STK33: variants seen among roughly 807,000 people sequenced by gnomAD.
The protein encoded by STK33 is serine/threonine-protein kinase 33.
STK33 carries 52 observed loss-of-function variants against 58.0 expected under a neutral mutation model. The observed-to-expected ratio is 0.90, with a 90% confidence interval of 0.72 to 1.13. The LOEUF (loss-of-function observed/expected upper bound fraction) is 1.13. Ranked by LOEUF, STK33 falls within the 50% of genes most tolerant of loss-of-function variation. The pLI, the probability that STK33 is intolerant of heterozygous loss-of-function variation, is 0.00. For synonymous variants in STK33, 215 were observed against 200.1 expected (o/e 1.07, Z -0.63); for missense variants, 630 against 604.2 (o/e 1.04, Z -0.45).
the STK33 span, among the ~76,000 whole-genome samples, chr11:8,339,763 G>C: frequency 1.3e-5 from 2 of 152,232 alleles, no homozygotes; most frequent in Non-Finnish European, 2.9e-5. Context: ...GAGGACTAAA[G>C]CTTCCGCAGC....
chr11:8,520,977 G>A (rs1405035864), intron 1 of STK33, among the ~76,000 whole-genome samples: 3 of 150,854 alleles, frequency 2.0e-5, no homozygotes, highest in African/African-American at 7.3e-5. Flanking sequence ...GAATGAAATT[G>A]GATCTTTATC....
intron 11 of STK33, among the ~76,000 whole-genome samples, chr11:8,444,147 TTTATTTA>T (rs376283295): frequency 3.2e-4 from 48 of 152,286 alleles, no homozygotes; most frequent in African/African-American, 9.6e-4. Flanking sequence ...CATTGGGAGC[TTTATTTA>T]TTATTTATTA....
chr11:8,430,369 C>A (rs1291868933), intron 14 of STK33, among the ~76,000 whole-genome samples: 2 of 152,020 alleles, frequency 1.3e-5, no homozygotes, highest in African/African-American at 4.8e-5. Context: ...TTACCTCCAC[C>A]CTTAAGTAAT....
intron 14 of STK33, among the ~76,000 whole-genome samples, chr11:8,426,066 G>A (rs1378609450): frequency 6.6e-6 from 1 of 152,194 alleles, no homozygotes; most frequent in Non-Finnish European, 1.5e-5. Context: ...CAAGGACAGA[G>A]GGCTTTCTGT....
At position 8,491,662 on chromosome 11, in the gene STK33, T is replaced by C. The variant is rs535566002; in HGVS notation, c.-465-11048A>G. The stretch of plus-strand genomic sequence containing the variant: ...AATTGTCAGATTTACCAAGATTGAA[T>C]TGAAGGAAAACAATGTTAAGGGCAG... On this transcript the variant is annotated intron_variant, in intron 1 of 15. Coordinates refer to ENST00000687296, the MANE Select transcript of STK33 (RefSeq NM_001352389.2). 1.3e-4 allele frequency among the ~76,000 whole-genome samples: 20 copies of C among 152,068 alleles called. No homozygotes were observed. In the East Asian group the frequency reaches 1.7e-3, roughly 13 times the overall value.
At chr11:8,415,307 G>A (rs527589599) in intron 14 of STK33, among the ~76,000 whole-genome samples, 1 of 152,190 alleles carries the variant, frequency 6.6e-6, no homozygotes, top group East Asian at 1.9e-4. Context: ...GGTCACTAAT[G>A]CTACTCGCCC....
intron 2 of STK33, among the ~76,000 whole-genome samples, chr11:8,479,628 C>A (rs1158410406): frequency 6.6e-6 from 1 of 151,872 alleles, no homozygotes; most frequent in African/African-American, 2.4e-5. Flanking sequence ...CGATCACTTG[C>A]AGTCAGGAGT....
the STK33 span, among the ~76,000 whole-genome samples, chr11:8,357,724 C>T: frequency 4.6e-5 from 7 of 152,108 alleles, no homozygotes; most frequent in African/African-American, 1.7e-4. Flanking sequence ...CCACAGTCCC[C>T]CTCCAGGAAT....
chr11:8,553,168 AT>A (rs879872120), intron 1 of STK33, among the ~76,000 whole-genome samples: 2,118 of 7,780 alleles, frequency 0.27, 63 homozygotes, highest in East Asian at 0.35. Flanking sequence ...CAAAAATAAA[AT>A]ATATATATAT....
At chr11:8,403,341 A>AT (rs1938468041) in intron 15 of STK33, among the ~76,000 whole-genome samples, 1 of 152,250 alleles carries the variant, frequency 6.6e-6, no homozygotes, top group Admixed American at 6.5e-5. Flanking sequence ...TTGAACAGAT[A>AT]TAAAGGGACC....
At position 8,392,508 on chromosome 11, in the gene STK33, C is replaced by T. The variant is rs149850747; in HGVS notation, c.*2G>A. 1.3e-4 allele frequency: 212 copies of T among 1,614,148 alleles called. No homozygotes were observed. The African/African-American group carries it at 2.4e-3, about 18-fold the overall frequency. On this transcript the variant is annotated 3_prime_UTR_variant, in exon 16 of 16. Coordinates refer to ENST00000687296, the MANE Select transcript of STK33 (RefSeq NM_001352389.2). ...TTGTACTGTCCAACACTGGAGGGAACCTTAGAGTTTCTTTTTGGTTCTGGA... is the reference window on the plus strand; with the variant it reads ...TTGTACTGTCCAACACTGGAGGGAATCTTAGAGTTTCTTTTTGGTTCTGGA...
chr11:8,475,093 T>C (rs1949142035), intron 4 of STK33, 27 bp from the exon 5 acceptor site: 1 of 485,046 alleles, frequency 2.1e-6, no homozygotes, highest in East Asian at 3.4e-5. Flanking sequence ...AATAACCATT[T>C]AGAGAAATTC....
chr11:8,449,449 A>C (rs1369841283), intron 11 of STK33, among the ~76,000 whole-genome samples: 17 of 151,730 alleles, frequency 1.1e-4, no homozygotes, highest in Admixed American at 6.6e-4. Flanking sequence ...AATACTATGC[A>C]GCCATAAAAA....
At chr11:8,472,851 A>G (rs1246340357) in intron 6 of STK33, among the ~76,000 whole-genome samples, 2 of 152,326 alleles carry the variant, frequency 1.3e-5, no homozygotes, top group Non-Finnish European at 2.9e-5. Context: ...CCATCTCTGC[A>G]TCATGAAAAG....
At chr11:8,423,484 T>C (rs1458868469) in intron 14 of STK33, among the ~76,000 whole-genome samples, 1 of 152,128 alleles carries the variant, frequency 6.6e-6, no homozygotes, top group Non-Finnish European at 1.5e-5. Context: ...GGGTTTATTC[T>C]TTAACTTATG....
At chr11:8,414,605 T>C (rs549885605) in intron 14 of STK33, among the ~76,000 whole-genome samples, 1 of 152,264 alleles carries the variant, frequency 6.6e-6, no homozygotes, top group South Asian at 2.1e-4. Context: ...GAATACACTG[T>C]TGAGGACTTG....
At chr11:8,577,302 A>G (rs940825964) in intron 1 of STK33, among the ~76,000 whole-genome samples, 1 of 152,172 alleles carries the variant, frequency 6.6e-6, no homozygotes, top group Non-Finnish European at 1.5e-5. Flanking sequence ...TTAACTATGG[A>G]TTCTAAGAAA....
At chr11:8,370,543 G>T in the STK33 span, among the ~76,000 whole-genome samples, 1 of 152,088 alleles carries the variant, frequency 6.6e-6, no homozygotes, top group South Asian at 2.1e-4. Flanking sequence ...CTCCACTTAG[G>T]GCTGTAAGGG....
intron 1 of STK33, among the ~76,000 whole-genome samples, chr11:8,545,226 G>A (rs546785187): frequency 2.3e-4 from 35 of 152,248 alleles, no homozygotes; most frequent in African/African-American, 7.9e-4. Context: ...CCATTACCTA[G>A]ACATGCTTTC....
Sources: gnomAD v4.1 joint callset for allele counts (sites outside exome capture counted in the v4.1 genomes callset) on GRCh38, gnomAD v4.1.1 for gene constraint, MANE v1.5 for transcripts, NCBI Gene and HGNC (gene_info 2026-07-23, HGNC 2026-07-21) for gene names.